Variants in ETV5 observed in about 807,000 individuals in gnomAD.
The protein encoded by ETV5 is ETS translocation variant 5.
ETV5 carries 10 observed loss-of-function variants against 70.0 expected under a neutral mutation model. That is an observed-to-expected ratio of 0.14 (90% CI 0.09 to 0.24). The LOEUF is 0.24. Ranked by LOEUF, ETV5 falls within the 10% of genes least tolerant of loss-of-function variation. The pLI is 1.00. For missense variants in ETV5, 453 were observed against 651.2 expected, an observed-to-expected ratio of 0.70 and a Z score of 3.31; for synonymous variants, 216 against 242.2, an observed-to-expected ratio of 0.89 and a Z score of 1.01.
intron 5 of ETV5, among the ~76,000 whole-genome samples, chr3:186,083,894 G>A (rs1371076928): frequency 1.3e-5 from 2 of 152,164 alleles, no homozygotes; most frequent in African/African-American, 4.8e-5. Flanking sequence ...GGGGCCCTGT[G>A]AGTGGTGAGG....
At chr3:186,049,490 C>T (rs899051405) in intron 12 of ETV5, among the ~76,000 whole-genome samples, 33 of 152,142 alleles carry the variant, frequency 2.2e-4, no homozygotes, top group African/African-American at 7.7e-4. Context: ...TGGTATGTGG[C>T]TGATGAGACA....
At position 186,047,806 on chromosome 3, in the gene ETV5, T is replaced by C. The variant is rs540366576; in HGVS notation, c.*833A>G. 31 of 233,296 alleles carry C rather than the reference T, an allele frequency of 1.3e-4. No homozygotes were observed. Among genetic ancestry groups the C allele is most frequent in the African/African-American group, 5.9e-4 (27 of 45,436 alleles). 14.5% of individuals were successfully genotyped at this position (233,296 alleles called of 1,614,324 possible). On this transcript the variant is annotated 3_prime_UTR_variant, in exon 13 of 13. Coordinates refer to ENST00000306376, the MANE Select transcript of ETV5 (RefSeq NM_004454.3). ...GTTTGTTTTTGTTTTTTGTTTTTCGTTTTTTTGCTTTAAATACCAAAACTA... is the reference window on the plus strand; with the variant it reads ...GTTTGTTTTTGTTTTTTGTTTTTCGCTTTTTTGCTTTAAATACCAAAACTA...
At chr3:186,093,301 C>T (rs1361306314) in intron 5 of ETV5, among the ~76,000 whole-genome samples, 1 of 151,866 alleles carries the variant, frequency 6.6e-6, no homozygotes, top group Non-Finnish European at 1.5e-5. Context: ...CAGAAAAGGG[C>T]CTTAGTTGGG....
At chr3:186,090,009 A>G (rs1046887046) in intron 5 of ETV5, among the ~76,000 whole-genome samples, 22 of 152,300 alleles carry the variant, frequency 1.4e-4, no homozygotes, top group African/African-American at 5.3e-4. Context: ...TTAAGAAAAA[A>G]CCATATATAC....
intron 5 of ETV5, among the ~76,000 whole-genome samples, chr3:186,103,669 ACT>A (rs1416809722): frequency 2.3e-5 from 3 of 130,820 alleles, no homozygotes; most frequent in African/African-American, 8.4e-5. Context: ...ACACACACAC[ACT>A]TGGATTATCT....
intron 1 of ETV5, among the ~76,000 whole-genome samples, chr3:186,107,662 C>T (rs1489771949): frequency 2.0e-5 from 3 of 152,070 alleles, no homozygotes; most frequent in African/African-American, 7.2e-5. Flanking sequence ...CTTCCTTTGC[C>T]CCCCCACCAC....
chr3:186,054,856 C>T lies in ETV5; in HGVS notation c.1209+2219G>A, dbSNP rs1713119103. On this transcript the variant is annotated intron_variant, in intron 11 of 12. Transcript: ENST00000306376. The surrounding 1 kb of genome is among the most constrained non-coding windows in gnomAD (Gnocchi z 4.4). The stretch of plus-strand genomic sequence containing the variant: ...TCACCTGTCCTGAGGCTAACGTGCA[C>T]ATGTGGCACCCAACTGATCCTGGGT... 6.6e-6 allele frequency among the ~76,000 whole-genome samples: 1 copy of T among 152,150 alleles called. No individual in the cohort carries two copies. The highest frequency in any genetic ancestry group is 2.1e-4 in the South Asian group (1 of 4,826).
chr3:186,046,552 C>T lies in ETV5; in HGVS notation c.*2087G>A, dbSNP rs1010651164. On this transcript the variant is annotated 3_prime_UTR_variant, in exon 13 of 13. Coordinates refer to ENST00000306376, the MANE Select transcript of ETV5 (RefSeq NM_004454.3). ...TGCATGAGTCCAATGGGAATGCAAC[C>T]GTGATGCCGCTGTCCTATGCCCAGT... is the stretch of plus-strand genomic sequence containing the variant. 3.5e-5 allele frequency: 8 copies of T among 230,716 alleles called. No homozygotes were observed. Among genetic ancestry groups the T allele is most frequent in the African/African-American group, 6.7e-5 (3 of 44,994 alleles). The allele number at this position is 230,716 out of a possible 1,614,324, so 14.3% of individuals were successfully genotyped here.
At chr3:186,060,365 C>A (rs1489344143) in intron 9 of ETV5, among the ~76,000 whole-genome samples, 1 of 152,188 alleles carries the variant, frequency 6.6e-6, no homozygotes, top group Non-Finnish European at 1.5e-5. Flanking sequence ...TCTACACCAT[C>A]TGGAAGATAC....
At chr3:186,088,786 C>A (rs1560053847) in intron 5 of ETV5, among the ~76,000 whole-genome samples, 1 of 152,180 alleles carries the variant, frequency 6.6e-6, no homozygotes, top group African/African-American at 2.4e-5. Flanking sequence ...TGGCAAAGAC[C>A]AGAGGGCTTT....
intron 5 of ETV5, among the ~76,000 whole-genome samples, chr3:186,099,380 C>T (rs1205468558): frequency 1.3e-5 from 2 of 152,208 alleles, no homozygotes; most frequent in Non-Finnish European, 2.9e-5. Context: ...ATGGCATCAG[C>T]ATGCCTGGCA....
At chr3:186,079,482 A>G (rs1458576587) in intron 7 of ETV5, 3 of 289,430 alleles carry the variant, frequency 1.0e-5, no homozygotes, top group Non-Finnish European at 1.9e-5. Context: ...GGCAGCATCC[A>G]ATGAGGAGTC....
At chr3:186,097,406 C>T (rs538067461) in intron 5 of ETV5, among the ~76,000 whole-genome samples, 117 of 152,236 alleles carry the variant, frequency 7.7e-4, no homozygotes, top group Non-Finnish European at 1.2e-3. Context: ...AACACCTGGG[C>T]TATTCAGGCC....
Position 186,052,599 on chromosome 3 carries a change from G to A in ETV5, c.1210-468C>T, listed in dbSNP as rs903186813. Among the ~76,000 whole-genome samples, 2 of 152,174 alleles carry A rather than the reference G, an allele frequency of 1.3e-5. No individual in the cohort carries two copies. The highest frequency in any genetic ancestry group is 6.5e-5 in the Admixed American group (1 of 15,272). ...AGTTCAATTCTAATAAGATTGGAGGGGGGCTGGGAGATGTTTACTTATTGC... is the reference window on the plus strand; with the variant it reads ...AGTTCAATTCTAATAAGATTGGAGGAGGGCTGGGAGATGTTTACTTATTGC... On this transcript the variant is annotated intron_variant, in intron 11 of 12. Coordinates refer to ENST00000306376, the MANE Select transcript of ETV5 (RefSeq NM_004454.3). This position sits in a 1 kb window ranked among gnomAD's most constrained non-coding sequence, Gnocchi z 4.5.
intron 7 of ETV5, among the ~76,000 whole-genome samples, chr3:186,072,311 G>GGTGGA (rs1713661254): frequency 6.6e-6 from 1 of 151,916 alleles, no homozygotes; most frequent in Non-Finnish European, 1.5e-5. Context: ...GAACCCGAGA[G>GGTGGA]GTGGAGGCCA....
chr3:186,102,636 C>CAAAAAA, intron 5 of ETV5, among the ~76,000 whole-genome samples: 1 of 91,842 alleles, frequency 1.1e-5, no homozygotes, highest in Non-Finnish European at 2.2e-5. Context: ...ACTCTCTCTC[C>CAAAAAA]AAAAAAAAAA....
At position 186,052,631 on chromosome 3, in the gene ETV5, T is replaced by G. The variant is rs553277023; in HGVS notation, c.1210-500A>C. 2.0e-5 allele frequency among the ~76,000 whole-genome samples: 3 copies of G among 152,324 alleles called. No homozygotes were observed. Among genetic ancestry groups the G allele is most frequent in the African/African-American group, 7.2e-5 (3 of 41,566 alleles). ...GGAGATGTTTACTTATTGCAGCTCA[T>G]GGACTAAGGGGGAATCAGATCATTT... On this transcript the variant is annotated intron_variant, in intron 11 of 12. Transcript: ENST00000306376. This position sits in a 1 kb window ranked among gnomAD's most constrained non-coding sequence, Gnocchi z 4.5.
intron 5 of ETV5, among the ~76,000 whole-genome samples, chr3:186,094,915 G>A (rs1187078579): frequency 6.6e-6 from 1 of 152,078 alleles, no homozygotes; most frequent in Admixed American, 6.6e-5. Flanking sequence ...GCCCCCTTTC[G>A]ACTACCATAG....
At chr3:186,071,022 T>C (rs1713618645) in intron 7 of ETV5, among the ~76,000 whole-genome samples, 1 of 152,210 alleles carries the variant, frequency 6.6e-6, no homozygotes, top group Non-Finnish European at 1.5e-5. Context: ...TCGGTGCCAG[T>C]TTATTTAAAG....
Sources: allele counts gnomAD v4.1 joint callset (sites outside exome capture counted in the v4.1 genomes callset), GRCh38; gene constraint gnomAD v4.1.1; non-coding constraint Gnocchi (gnomAD v3.1); transcripts MANE v1.5; gene names NCBI Gene and HGNC (gene_info 2026-07-23, HGNC 2026-07-21).